The following INTS9 variants were observed in gnomAD, a reference collection of about 807,000 sequenced individuals.
The protein encoded by INTS9 is integrator complex subunit 9.
INTS9 carries 55 observed loss-of-function variants against 79.7 expected under a neutral mutation model. The observed-to-expected ratio is 0.69, with a 90% CI of 0.56 to 0.86. The LOEUF (loss-of-function observed/expected upper bound fraction) is 0.86. Ranked by LOEUF, INTS9 falls within the 40% of genes least tolerant of loss-of-function variation. The pLI, the probability that INTS9 is intolerant of heterozygous loss-of-function variation, is 0.00. For missense variants in INTS9, 721 were observed against 831.5 expected (o/e 0.87, Z 1.64); for synonymous variants, 319 against 325.2 (o/e 0.98, Z 0.20).
chr8:28,857,683 A>G (rs1405973036), intron 2 of INTS9, among the ~76,000 whole-genome samples: 1 of 152,226 alleles, frequency 6.6e-6, no homozygotes, highest in Non-Finnish European at 1.5e-5. Context: ...CAATTCATTC[A>G]TACAACAAAT....
At chr8:28,773,924 C>T (rs188030930) in intron 14 of INTS9, among the ~76,000 whole-genome samples, 71 of 152,306 alleles carry the variant, frequency 4.7e-4, no homozygotes, top group Non-Finnish European at 7.1e-4. Context: ...CCGGTTCAAG[C>T]AATTCTCTGC....
chr8:28,827,437 G>A (rs926854247), intron 6 of INTS9, among the ~76,000 whole-genome samples: 1 of 152,202 alleles, frequency 6.6e-6, no homozygotes, highest in Admixed American at 6.5e-5. Flanking sequence ...GGCATTAAGT[G>A]TATGTTGAAT....
intron 2 of INTS9, among the ~76,000 whole-genome samples, chr8:28,851,779 A>G (rs1412894602): frequency 6.6e-6 from 1 of 152,128 alleles, no homozygotes. Context: ...GGTGCAAATA[A>G]TTCTGACATT....
In INTS9 at chr8:28,853,328, A is replaced by C. The variant is rs1229531327; in HGVS notation, c.138-3055T>G. On this transcript the variant is annotated intron_variant, in intron 2 of 16. Coordinates refer to ENST00000521022, the MANE Select transcript of INTS9 (RefSeq NM_018250.4). ...CTTGAGAGGCCGAGGCAAGAGAATC[A>C]CTTGAACCTGGGAGGCAAGGGTTGC... Among the ~76,000 whole-genome samples the C allele has an allele frequency of 3.3e-5, 5 of 151,712 alleles. No individual in the cohort carries two copies. The East Asian group carries it at 9.7e-4, about 29-fold the overall frequency.
chr8:28,880,493 G>C (rs1190284961), intron 1 of INTS9, among the ~76,000 whole-genome samples: 1 of 151,888 alleles, frequency 6.6e-6, no homozygotes, highest in African/African-American at 2.4e-5. Flanking sequence ...GCTCCTAACC[G>C]CGAGTGATCC....
At chr8:28,770,947 G>C (rs370822998) in intron 15 of INTS9, 35 bp downstream of exon 15, 98 of 1,474,968 alleles carry the variant, frequency 6.6e-5, no homozygotes, top group Non-Finnish European at 9.2e-5. Flanking sequence ...TTGCTGGGGA[G>C]AGGGTCCCCT....
intron 1 of INTS9, among the ~76,000 whole-genome samples, chr8:28,862,949 C>T (rs1365862375): frequency 6.6e-6 from 1 of 152,192 alleles, no homozygotes; most frequent in Non-Finnish European, 1.5e-5. Flanking sequence ...AGTTACTTAA[C>T]TTTGGACTGT....
chr8:28,774,372 A>G (rs568874571), intron 14 of INTS9, among the ~76,000 whole-genome samples: 5 of 152,322 alleles, frequency 3.3e-5, no homozygotes, highest in Admixed American at 2.6e-4. Context: ...ACATCAATAG[A>G]CATAACCCAC....
intron 6 of INTS9, among the ~76,000 whole-genome samples, chr8:28,820,944 G>T (rs1204966801): frequency 6.6e-6 from 1 of 152,148 alleles, no homozygotes; most frequent in Non-Finnish European, 1.5e-5. Context: ...AAATATGTAT[G>T]CTCTGTTCTC....
intron 14 of INTS9, among the ~76,000 whole-genome samples, chr8:28,775,497 G>A (rs1802812780): frequency 6.6e-6 from 1 of 152,080 alleles, no homozygotes; most frequent in South Asian, 2.1e-4. Flanking sequence ...CACCACACCT[G>A]GCTACTTTTT....
intron 1 of INTS9, among the ~76,000 whole-genome samples, chr8:28,881,756 G>A (rs1809836620): frequency 6.9e-6 from 1 of 144,406 alleles, no homozygotes; most frequent in African/African-American, 2.6e-5. Flanking sequence ...GGTGAGGGGC[G>A]CCTCTGCCCG....
chr8:28,791,144 G>C (rs1028506974), intron 10 of INTS9, among the ~76,000 whole-genome samples: 7 of 152,100 alleles, frequency 4.6e-5, no homozygotes, highest in African/African-American at 1.7e-4. Flanking sequence ...GTAGAGACTG[G>C]AGTCTTCAGT....
intron 10 of INTS9, among the ~76,000 whole-genome samples, chr8:28,788,273 C>G (rs1803727552): frequency 6.6e-6 from 1 of 152,206 alleles, no homozygotes. Flanking sequence ...CAACTAAACT[C>G]CAGACTTCAT....
chr8:28,856,832 T>G (rs188693158), intron 2 of INTS9, among the ~76,000 whole-genome samples: 1 of 152,194 alleles, frequency 6.6e-6, no homozygotes, highest in Admixed American at 6.5e-5. Flanking sequence ...GTAGTGAGCA[T>G]AGTAGCCAAG....
intron 6 of INTS9, among the ~76,000 whole-genome samples, chr8:28,833,362 C>T (rs1381648210): frequency 2.6e-5 from 4 of 152,064 alleles, no homozygotes; most frequent in African/African-American, 9.7e-5. Context: ...TGGCTCACAC[C>T]TGTAATCCCA....
chr8:28,836,022 C>G (rs1022712751), intron 5 of INTS9, among the ~76,000 whole-genome samples: 1 of 152,102 alleles, frequency 6.6e-6, no homozygotes, highest in African/African-American at 2.4e-5. Flanking sequence ...GTTGGCCAGG[C>G]TGGTCTTGAA....
intron 10 of INTS9, among the ~76,000 whole-genome samples, chr8:28,793,519 G>A (rs1185293278): frequency 2.0e-5 from 3 of 152,244 alleles, no homozygotes; most frequent in African/African-American, 7.2e-5. Flanking sequence ...CTAGTAACAG[G>A]CAGAGGGTGA....
rs1378702120 is a variant in INTS9, at chr8:28,859,479, T to A, written c.94A>T (p.Met32Leu). 6.2e-7 allele frequency: 1 copy of A among 1,614,094 alleles called. No homozygotes were observed. The highest frequency in any genetic ancestry group is 1.1e-5 in the South Asian group (1 of 91,090). The change falls in exon 2 of 17, where the codon ATG becomes TTG. Residue 32 changes from methionine to leucine, a missense_variant. By Grantham distance (15) the Met-to-Leu change is conservative. Transcript: ENST00000521022. ...GGAAGGAAATTGAGGGTAGAAGTCA[T>A]GTCCAGTCCGCAGTCCAACATAATG... ...TTIMLDCGLD[M>L]TSTLNFLPLP... is the part of the protein sequence containing the mutation.
rs1298815809 is a variant in INTS9 at position 28,816,482 on chromosome 8, CTCA to C, written c.489-2873_489-2871del. Among the ~76,000 whole-genome samples the C allele has an allele frequency of 3.1e-3, 467 of 151,244 alleles. 2 individuals carry two copies. Among genetic ancestry groups the C allele is most frequent in the African/African-American group, 0.01 (425 of 40,974 alleles). On this transcript the variant is annotated intron_variant, in intron 6 of 16. Transcript: ENST00000521022. Reference sequence around the variant, plus strand: ...TCCATGTCCCTACAAAGGACATGAACTCATCATTTTTTATGGCTGCATAGTATT... The same window carrying C: ...TCCATGTCCCTACAAAGGACATGAACTCATTTTTTATGGCTGCATAGTATT...
Sources: gnomAD v4.1 joint callset for allele counts (sites outside exome capture counted in the v4.1 genomes callset) on GRCh38, gnomAD v4.1.1 for gene constraint, MANE v1.5 for transcripts, NCBI Gene and HGNC (gene_info 2026-07-23, HGNC 2026-07-21) for gene names.